COL13A1: variants seen among roughly 807,000 people sequenced by gnomAD.
The protein encoded by COL13A1 is collagen type XIII alpha 1 chain.
In COL13A1, 89 loss-of-function variants were observed where a neutral mutation model predicts 130.9. The ratio of observed to expected loss-of-function variants is 0.68; its 90% CI spans 0.57 to 0.81. The LOEUF is 0.81. COL13A1 is among the 30% of genes least tolerant of loss of function. The pLI is 0.00. For missense variants in COL13A1, 879 were observed against 934.6 expected, an observed-to-expected ratio of 0.94 and a Z score of 0.78; for synonymous variants, 402 against 341.6, an observed-to-expected ratio of 1.18 and a Z score of -1.95.
At chr10:69,956,899 C>G in intron 39 of COL13A1, 105 bp from the exon 40 acceptor site, 1 of 841,314 alleles carries the variant, frequency 1.2e-6, no homozygotes, top group Non-Finnish European at 2.1e-6. Flanking sequence ...TGGGCCACAT[C>G]CTGATCAGCT....
chr10:69,867,396 G>C (rs928138516), intron 2 of COL13A1, among the ~76,000 whole-genome samples: 1 of 152,200 alleles, frequency 6.6e-6, no homozygotes, highest in African/African-American at 2.4e-5. Flanking sequence ...GCATGCTAAC[G>C]GTCCTCATCT....
intron 6 of COL13A1, among the ~76,000 whole-genome samples, 178 bp from the exon 7 acceptor site, chr10:69,880,325 C>T (rs573589617): frequency 6.6e-6 from 1 of 152,266 alleles, no homozygotes; most frequent in Non-Finnish European, 1.5e-5. Context: ...TCTGTGTTGA[C>T]TCTGCTGATC....
chr10:69,898,704 C>T lies in COL13A1; in HGVS notation c.692C>T (p.Pro231Leu). 1.2e-6 allele frequency: 2 copies of T among 1,613,256 alleles called. No homozygotes were observed. The highest frequency in any genetic ancestry group is 1.1e-5 in the South Asian group (1 of 90,880). The change falls in exon 14 of 41, where the codon CCT becomes CTT. Residue 231 changes from proline to leucine, a missense_variant. Coordinates refer to ENST00000645393, the MANE Select transcript of COL13A1 (RefSeq NM_001368882.1). ...ACTCATCTTTCTCCTCAGCTGCTGC[C>T]TCTCCTCAATTCAGTGCGACTGGCT... ...QCGEYPHRLL[P>L]LLNSVRLAPP...
chr10:69,808,594 A>G (rs1260671589), intron 1 of COL13A1, among the ~76,000 whole-genome samples: 1 of 152,314 alleles, frequency 6.6e-6, no homozygotes, highest in East Asian at 1.9e-4. Context: ...CGTCCATTAG[A>G]GTCAGTGCAC....
At chr10:69,891,885 T>C (rs1331168002) in intron 10 of COL13A1, among the ~76,000 whole-genome samples, 1 of 152,172 alleles carries the variant, frequency 6.6e-6, no homozygotes, top group Non-Finnish European at 1.5e-5. Context: ...ACAAAGCTCC[T>C]AAATACAACA....
chr10:69,881,501 T>G (rs1361217993), intron 7 of COL13A1, among the ~76,000 whole-genome samples: 3 of 151,946 alleles, frequency 2.0e-5, no homozygotes, highest in Admixed American at 2.0e-4. Flanking sequence ...CTAACTTACA[T>G]CCAAGGGAGG....
Position 69,959,001 on chromosome 10 carries a change from G to A in COL13A1, c.*300G>A. On this transcript the variant is annotated 3_prime_UTR_variant, in exon 41 of 41. Coordinates refer to ENST00000645393, the MANE Select transcript of COL13A1 (RefSeq NM_001368882.1). Reference sequence around the variant, plus strand: ...ATTATTGTGTCCTGGTGCCAAAGGGGGCCAGCCAGAACTGAGGTGCTGGCT... The same window carrying A: ...ATTATTGTGTCCTGGTGCCAAAGGGAGCCAGCCAGAACTGAGGTGCTGGCT... 1 of 374,028 alleles carries A rather than the reference G, an allele frequency of 2.7e-6. No individual in the cohort carries two copies. Among genetic ancestry groups the A allele is most frequent in the Non-Finnish European group, 4.8e-6 (1 of 207,200 alleles). The allele number at this position is 374,028 out of a possible 1,614,324, so 23.2% of individuals were successfully genotyped here. A position where few individuals can be genotyped will look rare whatever the true frequency, so the allele number is the denominator to read the frequency against.
intron 2 of COL13A1, among the ~76,000 whole-genome samples, chr10:69,863,613 T>C (rs1858867736): frequency 6.6e-6 from 1 of 152,036 alleles, no homozygotes; most frequent in South Asian, 2.1e-4. Context: ...TGGCACCAAG[T>C]CCAGGGTCGA....
chr10:69,829,915 A>G (rs1848414358), intron 2 of COL13A1, among the ~76,000 whole-genome samples: 1 of 152,180 alleles, frequency 6.6e-6, no homozygotes, highest in Non-Finnish European at 1.5e-5. Context: ...TCCTCCCAAA[A>G]GCACTTCCAG....
At chr10:69,916,375 C>G (rs534349943) in intron 17 of COL13A1, among the ~76,000 whole-genome samples, 416 of 152,310 alleles carry the variant, frequency 2.7e-3, no homozygotes, top group Non-Finnish European at 5.4e-3. Flanking sequence ...GACACCATCC[C>G]GGGCCCCAGC....
chr10:69,897,599 A>G, intron 13 of COL13A1: 1 of 1,550,694 alleles, frequency 6.4e-7, no homozygotes. Context: ...ACAGCCCAAC[A>G]TTGCACATCC....
At chr10:69,954,128 T>TC (rs1418297822) in intron 39 of COL13A1, 3 of 152,368 alleles carry the variant, frequency 2.0e-5, no homozygotes, top group Admixed American at 6.6e-5. Context: ...TCCTCCTCCA[T>TC]CCCCCCCAGG....
rs911243958 is a variant in COL13A1, at chr10:69,861,490, A to G, written c.365-6308A>G. 3.3e-5 allele frequency among the ~76,000 whole-genome samples: 5 copies of G among 152,070 alleles called. No homozygotes were observed. The East Asian group carries it at 5.8e-4, about 18-fold the overall frequency. On this transcript the variant is annotated intron_variant, in intron 2 of 40. Coordinates refer to ENST00000645393, the MANE Select transcript of COL13A1 (RefSeq NM_001368882.1). The stretch of plus-strand genomic sequence containing the variant: ...GGGATGGGATAGAGAGCTGCAATCA[A>G]TGCTAGTCCCCATGCCTGGTATGAG...
intron 1 of COL13A1, among the ~76,000 whole-genome samples, chr10:69,805,533 T>C (rs1369351796): frequency 1.3e-5 from 2 of 152,218 alleles, no homozygotes; most frequent in Admixed American, 6.5e-5. Context: ...TAACTAAAAT[T>C]AAATAAAATT....
intron 7 of COL13A1, among the ~76,000 whole-genome samples, chr10:69,885,300 T>G (rs2060498813): frequency 6.6e-6 from 1 of 152,228 alleles, no homozygotes; most frequent in Non-Finnish European, 1.5e-5. Context: ...GTTATTTTTC[T>G]TGACAAAGTG....
intron 38 of COL13A1, 64 bp from the exon 39 acceptor site, chr10:69,952,818 C>G: frequency 8.7e-7 from 1 of 1,144,808 alleles, no homozygotes; most frequent in South Asian, 1.5e-5. Flanking sequence ...CTGTCTTCAA[C>G]CTTAACACAT....
intron 2 of COL13A1, among the ~76,000 whole-genome samples, chr10:69,822,811 C>T (rs1846456852): frequency 6.6e-6 from 1 of 152,224 alleles, no homozygotes; most frequent in African/African-American, 2.4e-5. Flanking sequence ...ATCATTGTGT[C>T]CCCAGCTTCC....
rs375171960 is a variant in COL13A1 at position 69,949,930 on chromosome 10, TTGTG to T, written c.2058+2603_2058+2606del. 2.1e-3 allele frequency among the ~76,000 whole-genome samples: 181 copies of T among 86,920 alleles called. 1 individual carries two copies. The highest frequency in any genetic ancestry group is 8.2e-3 in the East Asian group (22 of 2,682). The allele number at this position is 86,920 out of a possible 152,430, so 57.0% of individuals were successfully genotyped here. ...GGGGGGGTGGGGGGTGCACGCATGT[TTGTG>T]TGTGTGTGTGTGTGCGTGTGTTTGT... On this transcript the variant is annotated intron_variant, in intron 38 of 40. Transcript: ENST00000645393.
intron 23 of COL13A1, 79 bp downstream of exon 23, chr10:69,922,873 G>A (rs534180028): frequency 5.8e-5 from 55 of 952,924 alleles, no homozygotes; most frequent in Middle Eastern, 2.2e-4. Flanking sequence ...GGGACTCTAC[G>A]TCCCGGACAT....
Sources: allele counts gnomAD v4.1 joint callset (sites outside exome capture counted in the v4.1 genomes callset), GRCh38; gene constraint gnomAD v4.1.1; transcripts MANE v1.5; gene names NCBI Gene and HGNC (gene_info 2026-07-23, HGNC 2026-07-21).